The following CROCC variants were observed in gnomAD, a reference collection of about 807,000 sequenced individuals.
CROCC encodes the protein ciliary rootlet coiled-coil, rootletin, also known as rootletin.
CROCC carries 180 observed loss-of-function variants against 245.2 expected under a neutral mutation model. That is an observed-to-expected ratio of 0.73 (90% confidence interval 0.65 to 0.83). The LOEUF is 0.83. Among genes scored for constraint, CROCC ranks in the 40% least tolerant of loss-of-function variants. The probability of loss-of-function intolerance (pLI) is 0.00; values close to 1 mark genes in which losing one functional copy is unlikely to be tolerated. For synonymous variants in CROCC, 1,205 were observed against 1,241.6 expected (o/e 0.97, Z 0.62); for missense variants, 2,688 against 2,779.4 (o/e 0.97, Z 0.74).
At chr1:16,961,244 A>G in intron 27 of CROCC, 114 bp downstream of exon 27, 3 of 1,071,872 alleles carry the variant, frequency 2.8e-6, no homozygotes, top group Non-Finnish European at 3.5e-6. Context: ...CAAGGAGCCC[A>G]CCACACCTCT....
chr1:16,960,198 AGAGGTTACAGT>A (rs1201956100), intron 26 of CROCC, among the ~76,000 whole-genome samples: 1 of 152,130 alleles, frequency 6.6e-6, no homozygotes, highest in African/African-American at 2.4e-5. Context: ...CCCAGGAGGC[AGAGGTTACAGT>A]GAGCTGAGAT....
At chr1:16,933,894 G>A (rs997369306) in intron 8 of CROCC, among the ~76,000 whole-genome samples, 9 of 152,274 alleles carry the variant, frequency 5.9e-5, no homozygotes, top group Admixed American at 5.2e-4. Flanking sequence ...TAACTTATTT[G>A]TTCAGGAAAC....
upstream of CROCC, among the ~76,000 whole-genome samples, chr1:16,918,414 CT>C (rs1399116476): frequency 6.7e-6 from 1 of 148,674 alleles, no homozygotes; most frequent in African/African-American, 2.5e-5. Context: ...TGGGGGAGAA[CT>C]TTGGGGATGG....
In CROCC at chr1:16,972,522, C is replaced by A. The variant is rs917287564; in HGVS notation, c.*76C>A. ...CCTTCTTTTGGACAGCCCCCCCACCCAGAGCCCGGTCCCTTGGGGGCCTCA... is the reference window on the plus strand; with the variant it reads ...CCTTCTTTTGGACAGCCCCCCCACCAAGAGCCCGGTCCCTTGGGGGCCTCA... On this transcript the variant is annotated 3_prime_UTR_variant, in exon 37 of 37. Transcript: ENST00000375541. The A allele has an allele frequency of 1.6e-4, 151 of 944,902 alleles. No individual in the cohort carries two copies. Among genetic ancestry groups the A allele is most frequent in the East Asian group, 2.1e-4 (7 of 34,048 alleles). The allele number at this position is 944,902 out of a possible 1,614,324, so 58.5% of individuals were successfully genotyped here. A position where few individuals can be genotyped will look rare whatever the true frequency, so the allele number is the denominator to read the frequency against.
Position 16,937,246 on chromosome 1 carries a change from G to C in CROCC, c.1193+373G>C, listed in dbSNP as rs2075811589. Among the ~76,000 whole-genome samples, 6 of 152,246 alleles carry C rather than the reference G, an allele frequency of 3.9e-5. No homozygotes were observed. The South Asian group carries it at 1.2e-3, about 32-fold the overall frequency. ...CGCGTGCCTGTAATCCCAGCTACGA[G>C]GGAGGCTGAGACAGGAGAATCGCTT... On this transcript the variant is annotated intron_variant, in intron 9 of 36. Transcript: ENST00000375541.
At chr1:16,959,726 A>G (rs1298683959) in intron 26 of CROCC, among the ~76,000 whole-genome samples, 1 of 152,140 alleles carries the variant, frequency 6.6e-6, no homozygotes, top group African/African-American at 2.4e-5. Flanking sequence ...ATTTATTGAT[A>G]AATTATGGGC....
At chr1:16,962,965 C>T (rs962501009) in intron 27 of CROCC, among the ~76,000 whole-genome samples, 11 of 151,158 alleles carry the variant, frequency 7.3e-5, no homozygotes, top group Non-Finnish European at 1.3e-4. Context: ...GTGGATCACT[C>T]GAGGCCAGGA....
chr1:16,940,099 G>C lies in CROCC; in HGVS notation c.1808+6G>C, dbSNP rs778152959. 5.0e-6 allele frequency: 8 copies of C among 1,594,826 alleles called. No individual in the cohort carries two copies. In the East Asian group the frequency reaches 6.8e-5, roughly 13 times the overall value. ...GCCAACGAGCTCCTGAGCAGGTGCC[G>C]GGGAGGTCTGAGCTGGGGGGTACTG... On this transcript the variant is annotated splice_donor_region_variant and intron_variant, in intron 13 of 36. Coordinates refer to ENST00000375541, the MANE Select transcript of CROCC (RefSeq NM_014675.5).
At chr1:16,942,560 G>A (rs1221164213) in intron 13 of CROCC, among the ~76,000 whole-genome samples, 12 of 152,282 alleles carry the variant, frequency 7.9e-5, no homozygotes, top group South Asian at 4.1e-4. Flanking sequence ...GCTCTTGGCC[G>A]AGTGTTTTGT....
intron 3 of CROCC, among the ~76,000 whole-genome samples, chr1:16,928,189 C>G (rs1184298419): frequency 2.6e-5 from 4 of 152,278 alleles, no homozygotes; most frequent in Non-Finnish European, 1.5e-5. Flanking sequence ...CCTGAGGATG[C>G]AGATGGTGAG....
intron 14 of CROCC, 109 bp from the exon 15 acceptor site, chr1:16,945,353 T>C (rs2076021115): frequency 1.3e-6 from 2 of 1,516,318 alleles, no homozygotes; most frequent in Non-Finnish European, 1.8e-6. Context: ...AGGCTGTTTC[T>C]CTCCAAACTC....
chr1:16,942,115 A>G (rs1339334766), intron 13 of CROCC, among the ~76,000 whole-genome samples: 2 of 152,232 alleles, frequency 1.3e-5, no homozygotes, highest in African/African-American at 4.8e-5. Context: ...GGCTTAAGTG[A>G]TCCTTCCATC....
chr1:16,945,856 A>G (rs3895174), intron 15 of CROCC, among the ~76,000 whole-genome samples: 34 of 152,364 alleles, frequency 2.2e-4, no homozygotes, highest in South Asian at 1.5e-3. Context: ...CCTGGGGGCA[A>G]TGCCTATAGC....
chr1:16,923,032 C>T (rs543848580), intron 2 of CROCC, among the ~76,000 whole-genome samples: 285 of 152,284 alleles, frequency 1.9e-3, no homozygotes, highest in African/African-American at 6.5e-3. Flanking sequence ...GCATCTCCTG[C>T]GTGCTTGCCT....
rs753518527 is a variant in CROCC at position 16,938,894 on chromosome 1, C to T, written c.1375-15C>T. 19 of 1,604,236 alleles carry T rather than the reference C, an allele frequency of 1.2e-5. No individual in the cohort carries two copies. The highest frequency in any genetic ancestry group is 1.7e-5 in the Admixed American group (1 of 57,150). On this transcript the variant is annotated splice_polypyrimidine_tract_variant and intron_variant, in intron 11 of 36. Transcript: ENST00000375541. ...AACTCAGCAGCCTCCTTCTGCCTCCCTCCCCCACCCTCAGGCCGTCTTGTC... is the reference window on the plus strand; with the variant it reads ...AACTCAGCAGCCTCCTTCTGCCTCCTTCCCCCACCCTCAGGCCGTCTTGTC...
chr1:16,944,305 G>T (rs750000604), intron 14 of CROCC, 23 bp downstream of exon 14: 7 of 1,509,606 alleles, frequency 4.6e-6, no homozygotes, highest in African/African-American at 4.1e-5. Context: ...TCGCCACCCT[G>T]CCAGGACCCT....
In CROCC at chr1:16,929,982, A is replaced by T. The variant is rs757060672; in HGVS notation, c.488A>T (p.Gln163Leu). The change falls in exon 4 of 37, where the codon CAG becomes CTG. Residue 163 changes from glutamine (Q) to leucine (L), a missense_variant. This residue lies in a region of CROCC where 972 missense variants were observed against 895.3 expected (regional missense o/e 1.09). Transcript: ENST00000375541. ...TACCGGCGCAAGCTGCAGGCCTACCAGGAGGGCCAGCAGCGGCAGGCCCAG... is the reference window on the plus strand; with the variant it reads ...TACCGGCGCAAGCTGCAGGCCTACCTGGAGGGCCAGCAGCGGCAGGCCCAG... ...ASYRRKLQAY[Q>L]EGQQRQAQLV... is the part of the protein sequence containing the mutation. 1.8e-4 allele frequency: 280 copies of T among 1,588,272 alleles called. No homozygotes were observed. Among genetic ancestry groups the T allele is most frequent in the South Asian group, 1.3e-3 (116 of 87,280 alleles).
At position 16,966,154 on chromosome 1, in the gene CROCC, CTG is replaced by C; in HGVS notation, c.4696+39_4696+40del. The C allele has an allele frequency of 6.3e-7, 1 of 1,589,148 alleles. No individual in the cohort carries two copies. The highest frequency in any genetic ancestry group is 1.7e-5 in the Admixed American group (1 of 58,806). ...ATCCTCGGGGTCCCTGTTCTCTCTCCTGTGTTTTGGGCAGTTGAGGCAGGAGC... is the reference window on the plus strand; with the variant it reads ...ATCCTCGGGGTCCCTGTTCTCTCTCCTGTTTTGGGCAGTTGAGGCAGGAGC... On this transcript the variant is annotated intron_variant, in intron 29 of 36. Coordinates refer to ENST00000375541, the MANE Select transcript of CROCC (RefSeq NM_014675.5). This position sits in a 1 kb window ranked among gnomAD's most constrained non-coding sequence, Gnocchi z 4.8.
At chr1:16,926,644 A>G (rs1169498709) in intron 3 of CROCC, among the ~76,000 whole-genome samples, 1 of 152,218 alleles carries the variant, frequency 6.6e-6, no homozygotes, top group Non-Finnish European at 1.5e-5. Context: ...GAGAGAGAGG[A>G]CCTCAGGGCC....
Sources: allele counts gnomAD v4.1 joint callset (sites outside exome capture counted in the v4.1 genomes callset), GRCh38; gene constraint gnomAD v4.1.1; regional missense constraint gnomAD v4.1.1; non-coding constraint Gnocchi (gnomAD v3.1); transcripts MANE v1.5; gene names NCBI Gene and HGNC (gene_info 2026-07-23, HGNC 2026-07-21).